Variants in NBPF11 observed in about 807,000 individuals in gnomAD.
NBPF11 encodes NBPF family member NBPF11.
In NBPF11, 72 loss-of-function variants were observed where a neutral mutation model predicts 93.9. The observed-to-expected ratio is 0.77, with a 90% CI of 0.63 to 0.93. The LOEUF (loss-of-function observed/expected upper bound fraction) is 0.93, where lower values mean the gene tolerates loss of function less well. Among genes scored for constraint, NBPF11 ranks in the 40% least tolerant of loss-of-function variants. NBPF11 has a pLI of 0.00. For synonymous variants in NBPF11, 224 were observed against 304.9 expected, an observed-to-expected ratio of 0.73 and a Z score of 2.76; for missense variants, 705 against 802.2, an observed-to-expected ratio of 0.88 and a Z score of 1.46.
At position 148,104,896 on chromosome 1, in the gene NBPF11, C is replaced by CA. The variant is rs1274601604; in HGVS notation, c.2473-252dup. On this transcript the variant is annotated intron_variant, in intron 22 of 23. Transcript: ENST00000682118. The stretch of plus-strand genomic sequence containing the variant: ...CAATATCATTTGTCCCAAGTTTGTG[C>CA]AAACAGTTATGCCTTATTTTTCCAA... 1.5e-3 allele frequency among the ~76,000 whole-genome samples: 221 copies of CA among 148,432 alleles called. 14 individuals are homozygous for CA. The highest frequency in any genetic ancestry group is 5.5e-3 in the African/African-American group (211 of 38,128).
At position 148,151,031 on chromosome 1, in the gene NBPF11, G is replaced by A. The variant is rs2746933; in HGVS notation, c.-549+719C>T. 8.7e-4 allele frequency among the ~76,000 whole-genome samples: 132 copies of A among 151,966 alleles called. 1 individual carries two copies. The highest frequency in any genetic ancestry group is 2.4e-3 in the African/African-American group (98 of 41,280). Reference sequence around the variant, plus strand: ...GCAGCTCCACCAGCAAAAGGTAGGAGGAAAGCGAGGAAACCATTCCTCGCT... The same window carrying A: ...GCAGCTCCACCAGCAAAAGGTAGGAAGAAAGCGAGGAAACCATTCCTCGCT... On this transcript the variant is annotated intron_variant, in intron 1 of 23. Transcript: ENST00000682118.
chr1:148,151,738 CG>C lies in NBPF11; in HGVS notation c.-549+11del, dbSNP rs1648417832. On this transcript the variant is annotated intron_variant, in intron 1 of 23. Transcript: ENST00000682118. ...GACTCACCTCCCGCCCGGCCTGGCGCGGCGCCCTCACCTCCGGAACGCTGGG... is the reference window on the plus strand; with the variant it reads ...GACTCACCTCCCGCCCGGCCTGGCGCGCGCCCTCACCTCCGGAACGCTGGG... 6.6e-6 allele frequency: 1 copy of C among 152,628 alleles called. No homozygotes were observed. Among genetic ancestry groups the C allele is most frequent in the African/African-American group, 2.4e-5 (1 of 41,344 alleles). The allele number at this position is 152,628 out of a possible 1,614,324, so 9.5% of individuals were successfully genotyped here.
chr1:148,120,697 G>A lies in NBPF11; in HGVS notation c.792C>T (p.Thr264=). ...CCATGCTGACGTTTGTGGCAGAAGA[G>A]GTGGGGCCAGGGACTGGGGAGAAGA... ...ALNILPVPGP[T]SSATNVSMVV... is the part of the protein sequence containing the mutation. Residue 264 remains threonine (T), a synonymous_variant, in exon 10 of 24, where the codon ACC becomes ACT. Coordinates refer to ENST00000682118, the MANE Select transcript of NBPF11 (RefSeq NM_001385469.3). 8 of 1,515,766 alleles carry A rather than the reference G, an allele frequency of 5.3e-6. No individual in the cohort carries two copies. Among genetic ancestry groups the A allele is most frequent in the African/African-American group, 1.4e-5 (1 of 72,766 alleles). 93.9% of individuals were successfully genotyped at this position (1,515,766 alleles called of 1,614,324 possible). A position where few individuals can be genotyped will look rare whatever the true frequency, so the allele number is the denominator to read the frequency against.
At chr1:148,133,094 T>C (rs1238069989) in intron 4 of NBPF11, among the ~76,000 whole-genome samples, 443 of 149,468 alleles carry the variant, frequency 3.0e-3, no homozygotes, top group African/African-American at 0.011. Context: ...GATGTTACTT[T>C]AAATGAAATT....
intron 2 of NBPF11, among the ~76,000 whole-genome samples, chr1:148,141,967 GA>G (rs1297867205): frequency 7.3e-6 from 1 of 136,816 alleles, no homozygotes; most frequent in Non-Finnish European, 1.5e-5. Context: ...GAGAGAGAAA[GA>G]AAAAGAAGAA....
In NBPF11 at chr1:148,132,628, T is replaced by A. The variant is rs1427980022; in HGVS notation, c.-36+3044A>T. ...ACAACTCTTCTGATCCATGACAAGGTTTATCTCCCCACTAATTTAGTTCTT... is the reference window on the plus strand; with the variant it reads ...ACAACTCTTCTGATCCATGACAAGGATTATCTCCCCACTAATTTAGTTCTT... On this transcript the variant is annotated intron_variant, in intron 4 of 23. Transcript: ENST00000682118. 2.0e-5 allele frequency among the ~76,000 whole-genome samples: 3 copies of A among 148,738 alleles called. 1 individual carries two copies. The highest frequency in any genetic ancestry group is 7.5e-5 in the African/African-American group (3 of 40,074).
chr1:148,146,136 CCCGGGGGCGCGGG>C (rs1207821325), intron 1 of NBPF11, among the ~76,000 whole-genome samples: 2 of 151,738 alleles, frequency 1.3e-5, no homozygotes, highest in Admixed American at 6.6e-5. Context: ...GGCCCTGGGG[CCCGGGGGCGCGGG>C]CCGGGGTGGG....
intron 1 of NBPF11, among the ~76,000 whole-genome samples, chr1:148,144,673 A>C (rs2149301024): frequency 1.3e-5 from 2 of 152,096 alleles, no homozygotes; most frequent in South Asian, 2.1e-4. Context: ...AAAATATAAA[A>C]ATTATTAAAA....
intron 1 of NBPF11, chr1:148,146,616 C>T (rs1274064657): frequency 4.5e-5 from 72 of 1,610,802 alleles, no homozygotes; most frequent in Non-Finnish European, 5.6e-5. Context: ...CGGAGCGTGC[C>T]GACTTCCAGT....
At position 148,115,164 on chromosome 1, in the gene NBPF11, C is replaced by CAAAAAAAAAA. The variant is rs57869119; in HGVS notation, c.1585+619_1585+628dup. On this transcript the variant is annotated intron_variant, in intron 14 of 23. Coordinates refer to ENST00000682118, the MANE Select transcript of NBPF11 (RefSeq NM_001385469.3). ...TAGGTGACAGAGCAGGACTCCATCA[C>CAAAAAAAAAA]AAAAAAAAAAAAAAAAAAAAAAAAA... Among the ~76,000 whole-genome samples, 2 of 12,160 alleles carry CAAAAAAAAAA rather than the reference C, an allele frequency of 1.6e-4. 1 individual carries two copies. Among genetic ancestry groups the CAAAAAAAAAA allele is most frequent in the Non-Finnish European group, 2.6e-4 (2 of 7,786 alleles). 8.0% of individuals were successfully genotyped at this position (12,160 alleles called of 152,430 possible).
intron 2 of NBPF11, among the ~76,000 whole-genome samples, chr1:148,138,978 C>A (rs1671775002): frequency 6.6e-6 from 1 of 151,034 alleles, no homozygotes; most frequent in African/African-American, 2.5e-5. Context: ...GTAATCCCAG[C>A]TATTCAGGAG....
intron 9 of NBPF11, 113 bp downstream of exon 9, chr1:148,121,942 C>A (rs1330353830): frequency 6.7e-6 from 6 of 897,034 alleles, no homozygotes; most frequent in Non-Finnish European, 1.1e-5. Flanking sequence ...GCACCTAGCT[C>A]CATCCTAGTT....
rs1347878784 is a variant in NBPF11, at chr1:148,124,336, G to A, written c.279-269C>T. Among the ~76,000 whole-genome samples, 401 of 151,360 alleles carry A rather than the reference G, an allele frequency of 2.6e-3. 1 individual carries two copies. Among genetic ancestry groups the A allele is most frequent in the Middle Eastern group, 3.4e-3 (1 of 294 alleles). ...TAAAAGTAGGTGTCTTCCTAATTCC[G>A]TTTCAAAAAGACATCCTTTCAGTTC... On this transcript the variant is annotated intron_variant, in intron 6 of 23. Coordinates refer to ENST00000682118, the MANE Select transcript of NBPF11 (RefSeq NM_001385469.3).
intron 19 of NBPF11, among the ~76,000 whole-genome samples, chr1:148,107,459 A>T (rs1358307029): frequency 2.0e-5 from 3 of 148,650 alleles, no homozygotes; most frequent in South Asian, 2.1e-4. Flanking sequence ...ATTTTCCATA[A>T]ACTTGCTCAA....
rs1664398364 is a variant in NBPF11, at chr1:148,108,620, C to T, written c.1888G>A (p.Glu630Lys). The change falls in exon 18 of 24, where the codon GAA becomes AAA. Residue 630 changes from glutamate to lysine, a missense_variant. Glu to Lys is a moderately conservative substitution (Grantham distance 56). This residue lies in a region of NBPF11 where 97 missense variants were observed against 65.0 expected (regional missense o/e 1.49). Transcript: ENST00000682118. ...SRELLDEKEP[E>K]VLQDSLDRCY... ...CTATCCAGTGAGTCCTGCAAGACTT[C>T]AGGCTCTTTCTCATCCAGCAGCTCC... is the stretch of plus-strand genomic sequence containing the variant. The T allele has an allele frequency of 7.5e-6, 11 of 1,460,516 alleles. No individual in the cohort carries two copies. The highest frequency in any genetic ancestry group is 9.6e-7 in the Non-Finnish European group (1 of 1,043,578). The allele number at this position is 1,460,516 out of a possible 1,614,324, so 90.5% of individuals were successfully genotyped here.
chr1:148,148,068 G>A (rs1319620921), intron 1 of NBPF11, among the ~76,000 whole-genome samples: 1 of 152,170 alleles, frequency 6.6e-6, no homozygotes, highest in Non-Finnish European at 1.5e-5. Flanking sequence ...CAGGTGGCAG[G>A]GCTGGGCTGG....
Position 148,110,262 on chromosome 1 carries a change from G to A in NBPF11, c.1801+116C>T, listed in dbSNP as rs1355613758. The A allele has an allele frequency of 2.5e-4, 331 of 1,349,234 alleles. 2 individuals carry two copies. In the African/African-American group the frequency reaches 4.2e-3, roughly 17 times the overall value. 83.6% of individuals were successfully genotyped at this position (1,349,234 alleles called of 1,614,324 possible). A position where few individuals can be genotyped will look rare whatever the true frequency, so the allele number is the denominator to read the frequency against. On this transcript the variant is annotated intron_variant, in intron 16 of 23. Coordinates refer to ENST00000682118, the MANE Select transcript of NBPF11 (RefSeq NM_001385469.3). ...GATTGAAATCTACATTGATATATAG[G>A]TTCAGCCCACAGTGATGGCAACTCT...
intron 2 of NBPF11, among the ~76,000 whole-genome samples, chr1:148,139,060 G>A (rs1360841053): frequency 5.3e-5 from 8 of 151,126 alleles, no homozygotes; most frequent in Non-Finnish European, 7.4e-5. Flanking sequence ...CGTTGCATTC[G>A]AGCCCAAGGA....
intron 16 of NBPF11, among the ~76,000 whole-genome samples, chr1:148,110,174 C>T (rs1312753553): frequency 6.6e-6 from 1 of 151,908 alleles, no homozygotes; most frequent in Admixed American, 6.6e-5. Context: ...TGGCCTGAGA[C>T]TAGGAAGAGA....
Sources: allele counts gnomAD v4.1 joint callset (sites outside exome capture counted in the v4.1 genomes callset), GRCh38; gene constraint gnomAD v4.1.1; regional missense constraint gnomAD v4.1.1; transcripts MANE v1.5; gene names NCBI Gene and HGNC (gene_info 2026-07-23, HGNC 2026-07-21).